The following CABP1 variants were observed in gnomAD, a reference collection of about 807,000 sequenced individuals.
CABP1 encodes calcium binding protein 1, also known as calcium-binding protein 1.
A neutral mutation model predicts 34.3 loss-of-function variants in CABP1; 17 were observed. The observed-to-expected ratio is 0.50, with a 90% CI of 0.34 to 0.74. The LOEUF is 0.74. Among genes scored for constraint, CABP1 ranks in the 30% least tolerant of loss-of-function variants. The pLI, the probability that CABP1 is intolerant of heterozygous loss-of-function variation, is 0.01. For synonymous variants in CABP1, 198 were observed against 229.2 expected (o/e 0.86, Z 1.23); for missense variants, 373 against 511.1 (o/e 0.73, Z 2.61).
chr12:120,665,177 T>C (rs1426346390), intron 5 of CABP1, among the ~76,000 whole-genome samples: 1 of 151,624 alleles, frequency 6.6e-6, no homozygotes, highest in Non-Finnish European at 1.5e-5. Context: ...AATCCTAGTA[T>C]TTTGGGAGGC....
chr12:120,660,600 C>A lies in CABP1; in HGVS notation c.830-131C>A, dbSNP rs991152631. Reference sequence around the variant, plus strand: ...CTCACAGGAAGAACTGAACAGAGGGCTCTTGTTATTATTAAGTTTGTCTCT... The same window carrying A: ...CTCACAGGAAGAACTGAACAGAGGGATCTTGTTATTATTAAGTTTGTCTCT... On this transcript the variant is annotated intron_variant, in intron 3 of 5. Transcript: ENST00000316803. This position sits in a 1 kb window ranked among gnomAD's most constrained non-coding sequence, Gnocchi z 5.0. 29 of 751,574 alleles carry A rather than the reference C, an allele frequency of 3.9e-5. No individual in the cohort carries two copies. Among genetic ancestry groups the A allele is most frequent in the Non-Finnish European group, 6.6e-5 (28 of 427,320 alleles). The allele number at this position is 751,574 out of a possible 1,614,324, so 46.6% of individuals were successfully genotyped here.
Position 120,650,014 on chromosome 12 carries a change from CGT to C in CABP1, c.654+8685_654+8686del, listed in dbSNP as rs960469461. On this transcript the variant is annotated intron_variant, in intron 1 of 5. Transcript: ENST00000316803. ...GCATGTGTGTGTGTGTTTGTGCGCG[CGT>C]GTGTGTGTGCATGCACGTTTGTGTG... 1.2e-4 allele frequency: 17 copies of C among 144,474 alleles called. 1 individual carries two copies. The highest frequency in any genetic ancestry group is 9.1e-4 in the Admixed American group (13 of 14,260). The allele number at this position is 144,474 out of a possible 1,614,324, so 8.9% of individuals were successfully genotyped here. A position where few individuals can be genotyped will look rare whatever the true frequency, so the allele number is the denominator to read the frequency against.
In CABP1 at chr12:120,660,127, G is replaced by T. The variant is rs1308100810; in HGVS notation, c.686-69G>T. 2 of 1,586,646 alleles carry T rather than the reference G, an allele frequency of 1.3e-6. No individual in the cohort carries two copies. Among genetic ancestry groups the T allele is most frequent in the African/African-American group, 2.7e-5 (2 of 74,222 alleles). On this transcript the variant is annotated intron_variant, in intron 2 of 5. Coordinates refer to ENST00000316803, the MANE Select transcript of CABP1 (RefSeq NM_001033677.2). The surrounding 1 kb of genome is among the most constrained non-coding windows in gnomAD (Gnocchi z 5.0). ...TCTTTCCATGCCGGTGGGCCTTTGG[G>T]CTGCCTTTGCCCACAGAGGCTCTGC...
Position 120,641,767 on chromosome 12 carries a change from G to A in CABP1, c.654+428G>A, listed in dbSNP as rs545740015. Among the ~76,000 whole-genome samples, 10 of 152,374 alleles carry A rather than the reference G, an allele frequency of 6.6e-5. No individual in the cohort carries two copies. The highest frequency in any genetic ancestry group is 2.6e-4 in the Admixed American group (4 of 15,312). On this transcript the variant is annotated intron_variant, in intron 1 of 5. Coordinates refer to ENST00000316803, the MANE Select transcript of CABP1 (RefSeq NM_001033677.2). This position sits in a 1 kb window ranked among gnomAD's most constrained non-coding sequence, Gnocchi z 6.7. Reference sequence around the variant, plus strand: ...GTTTGGAGTCTGGGGGTCAAGAGAGGGGACCTCAGAGAACACAGAATTACT... The same window carrying A: ...GTTTGGAGTCTGGGGGTCAAGAGAGAGGACCTCAGAGAACACAGAATTACT...
chr12:120,654,384 G>A (rs940934203), intron 1 of CABP1, among the ~76,000 whole-genome samples: 4 of 152,264 alleles, frequency 2.6e-5, no homozygotes, highest in Middle Eastern at 3.4e-3. Flanking sequence ...GAGAGGACAC[G>A]GTGGGCAGGG....
chr12:120,654,616 T>C (rs1449023930), intron 1 of CABP1, among the ~76,000 whole-genome samples: 1 of 149,584 alleles, frequency 6.7e-6, no homozygotes, highest in East Asian at 1.9e-4. Context: ...TCCCCCCACA[T>C]TGAAGGAAGG....
intron 1 of CABP1, among the ~76,000 whole-genome samples, chr12:120,646,975 C>A (rs1469294029): frequency 1.3e-5 from 2 of 152,174 alleles, no homozygotes; most frequent in Non-Finnish European, 2.9e-5. Flanking sequence ...CACCTGCCCC[C>A]AAAGCAGGAT....
chr12:120,641,159 G>A lies in CABP1; in HGVS notation c.474G>A (p.Pro158=). Residue 158 remains proline (P), a synonymous_variant, in exon 1 of 6, where the codon CCG becomes CCA. Transcript: ENST00000316803. This position sits in a 1 kb window ranked among gnomAD's most constrained non-coding sequence, Gnocchi z 6.7. The part of the protein sequence containing the change: ...ALPAAASRPS[P]SSPLPPARGR... ...CGGCCGCGGCGTCCCGACCTTCGCC[G>A]TCGTCGCCGCTGCCGCCGGCCCGCG... 1 of 1,236,466 alleles carries A rather than the reference G, an allele frequency of 8.1e-7. No individual in the cohort carries two copies. The highest frequency in any genetic ancestry group is 3.2e-5 in the East Asian group (1 of 31,200). 76.6% of individuals were successfully genotyped at this position (1,236,466 alleles called of 1,614,324 possible). A position where few individuals can be genotyped will look rare whatever the true frequency, so the allele number is the denominator to read the frequency against.
chr12:120,669,640 G>A (rs1238920499), downstream of CABP1, among the ~76,000 whole-genome samples: 1 of 152,162 alleles, frequency 6.6e-6, no homozygotes, highest in African/African-American at 2.4e-5. Context: ...TGTAATCTCA[G>A]CTATTAGGGA....
In CABP1 at chr12:120,641,184, G is replaced by A; in HGVS notation, c.499G>A (p.Gly167Arg). 8.1e-7 allele frequency: 1 copy of A among 1,241,412 alleles called. No homozygotes were observed. Among genetic ancestry groups the A allele is most frequent in the East Asian group, 3.2e-5 (1 of 31,588 alleles). The allele number at this position is 1,241,412 out of a possible 1,614,324, so 76.9% of individuals were successfully genotyped here. ...SPSSPLPPAR[G>R]RDGEERGLSP... is the part of the protein sequence containing the mutation. ...GTCGTCGCCGCTGCCGCCGGCCCGC[G>A]GGCGGGATGGGGAGGAACGGGGACT... Residue 167 changes from glycine to arginine, a missense_variant, in exon 1 of 6, where the codon GGG becomes AGG. Around this residue, in one of 4 missense-constraint regions of CABP1, gnomAD observed 121 missense variants for 125.5 expected, o/e 0.96. Coordinates refer to ENST00000316803, the MANE Select transcript of CABP1 (RefSeq NM_001033677.2). This position sits in a 1 kb window ranked among gnomAD's most constrained non-coding sequence, Gnocchi z 6.7.
intron 1 of CABP1, chr12:120,656,243 C>A: frequency 6.3e-7 from 1 of 1,576,730 alleles, no homozygotes; most frequent in Non-Finnish European, 8.6e-7. Flanking sequence ...CATTTTCCTG[C>A]GCAAGGGCTT....
At chr12:120,655,779 A>G in intron 1 of CABP1, 2 of 1,491,516 alleles carry the variant, frequency 1.3e-6, no homozygotes, top group Non-Finnish European at 1.8e-6. Context: ...CTGTCTCTTC[A>G]TGCACTTGGG....
At chr12:120,653,026 G>A (rs902717931) in intron 1 of CABP1, among the ~76,000 whole-genome samples, 1 of 152,144 alleles carries the variant, frequency 6.6e-6, no homozygotes, top group African/African-American at 2.4e-5. Context: ...CAGCCTCTGG[G>A]GCAACTTGGT....
intron 1 of CABP1, chr12:120,655,509 C>G: frequency 8.9e-7 from 1 of 1,127,804 alleles, no homozygotes; most frequent in Non-Finnish European, 1.1e-6. Flanking sequence ...TTTATGTCAG[C>G]AATGGCACCT....
At chr12:120,653,765 T>G (rs1169918659) in intron 1 of CABP1, among the ~76,000 whole-genome samples, 3 of 152,186 alleles carry the variant, frequency 2.0e-5, no homozygotes, top group Admixed American at 1.3e-4. Context: ...ACTCCCAACT[T>G]CAGGTCATCC....
downstream of CABP1, among the ~76,000 whole-genome samples, chr12:120,671,153 C>T (rs1296710009): frequency 6.6e-6 from 1 of 152,196 alleles, no homozygotes; most frequent in Non-Finnish European, 1.5e-5. Flanking sequence ...TGCCTGCAAT[C>T]CCAGCACTTC....
At chr12:120,652,376 C>G (rs79570420) in intron 1 of CABP1, among the ~76,000 whole-genome samples, 1 of 138,830 alleles carries the variant, frequency 7.2e-6, no homozygotes, top group Non-Finnish European at 1.5e-5. Flanking sequence ...TTTTTTTTTT[C>G]TAAATATCTG....
Position 120,667,006 on chromosome 12 carries a change from C to T in CABP1, c.*106C>T. The T allele has an allele frequency of 3.6e-6, 5 of 1,388,204 alleles. No homozygotes were observed. The highest frequency in any genetic ancestry group is 4.9e-6 in the Non-Finnish European group (5 of 1,011,756). 86.0% of individuals were successfully genotyped at this position (1,388,204 alleles called of 1,614,324 possible). On this transcript the variant is annotated 3_prime_UTR_variant, in exon 6 of 6. Coordinates refer to ENST00000316803, the MANE Select transcript of CABP1 (RefSeq NM_001033677.2). The stretch of plus-strand genomic sequence containing the variant: ...CCGCCGAGAGCCCAGGATGTACTGG[C>T]GGATGGGGCCTGCCTGCACCCCGGG...
chr12:120,667,743 C>T (rs1881095231), downstream of CABP1, among the ~76,000 whole-genome samples: 1 of 152,128 alleles, frequency 6.6e-6, no homozygotes, highest in Admixed American at 6.6e-5. Context: ...CTGCCTTGGC[C>T]TCCCAAAGGG....
Sources: allele counts gnomAD v4.1 joint callset (sites outside exome capture counted in the v4.1 genomes callset), GRCh38; gene constraint gnomAD v4.1.1; regional missense constraint gnomAD v4.1.1; non-coding constraint Gnocchi (gnomAD v3.1); transcripts MANE v1.5; gene names NCBI Gene and HGNC (gene_info 2026-07-23, HGNC 2026-07-21).